Variants in DDX41 observed in about 807,000 individuals in gnomAD.
DDX41 encodes the protein DEAD-box helicase 41.
In DDX41, 50 loss-of-function variants were observed where a neutral mutation model predicts 78.8. The ratio of observed to expected loss-of-function variants is 0.63; its 90% CI spans 0.51 to 0.80. The LOEUF (loss-of-function observed/expected upper bound fraction) is 0.80, where lower values mean the gene tolerates loss of function less well. DDX41 is among the 30% of genes least tolerant of loss of function. DDX41 has a pLI of 0.00. For missense variants in DDX41, 633 were observed against 849.2 expected (o/e 0.75, Z 3.16); for synonymous variants, 381 against 321.5 (o/e 1.19, Z -1.98).
chr5:177,514,934 T>C lies in DDX41; in HGVS notation c.780A>G (p.Gly260=). Residue 260 remains glycine (G), a synonymous_variant, in exon 8 of 17, where the codon GGA becomes GGG. Coordinates refer to ENST00000330503, the MANE Select transcript of DDX41 (RefSeq NM_016222.4). This position sits in a 1 kb window ranked among gnomAD's most constrained non-coding sequence, Gnocchi z 4.2. ...LPFSKREGPY[G]LIICPSRELA... is the part of the protein sequence containing the mutation. ...ATCTTACCGAGGGGCAGATGATGAG[T>C]CCATAGGGCCCCTCGCGCTTTGAGA... 1 of 1,611,188 alleles carries C rather than the reference T, an allele frequency of 6.2e-7. No individual in the cohort carries two copies. The highest frequency in any genetic ancestry group is 8.5e-7 in the Non-Finnish European group (1 of 1,177,900).
chr5:177,515,873 A>G, intron 5 of DDX41, 52 bp from the exon 6 acceptor site: 3 of 1,614,114 alleles, frequency 1.9e-6, no homozygotes, highest in Non-Finnish European at 2.5e-6. Flanking sequence ...CTGGCCTGGG[A>G]GCATCCCTGC....
At position 177,515,234 on chromosome 5, in the gene DDX41, T is replaced by C; in HGVS notation, c.596A>G (p.Lys199Arg). ...PAAILRGLKK[K>R]GIHHPTPIQI... ...AATGGGTGTTGGGTGGTGAATGCCT[T>C]TCTTCTTCAGGCCTCTCAGGATGGC... is the stretch of plus-strand genomic sequence containing the variant. Residue 199 changes from lysine to arginine, a missense_variant, in exon 7 of 17, where the codon AAA becomes AGA. Coordinates refer to ENST00000330503, the MANE Select transcript of DDX41 (RefSeq NM_016222.4). The C allele has an allele frequency of 6.2e-7, 1 of 1,613,936 alleles. No homozygotes were observed. Among genetic ancestry groups the C allele is most frequent in the Non-Finnish European group, 8.5e-7 (1 of 1,179,980 alleles).
intron 6 of DDX41, 60 bp from the exon 7 acceptor site, chr5:177,515,318 G>A (rs767512180): frequency 1.9e-6 from 3 of 1,574,406 alleles, no homozygotes; most frequent in Non-Finnish European, 2.6e-6. Context: ...GAGCCCCAAA[G>A]CCTGTAAAAC....
rs374555260 is a variant in DDX41 at position 177,516,464 on chromosome 5, G to A, written c.139-17C>T. On this transcript the variant is annotated splice_polypyrimidine_tract_variant and intron_variant, in intron 2 of 16. Coordinates refer to ENST00000330503, the MANE Select transcript of DDX41 (RefSeq NM_016222.4). ...CTTCTGGAGCTGAGGTTCCACCCGG[G>A]ATCCACAGATAGGATGGGCATGGAG... 2.3e-4 allele frequency: 372 copies of A among 1,612,362 alleles called. No homozygotes were observed. The highest frequency in any genetic ancestry group is 2.9e-4 in the Non-Finnish European group (348 of 1,179,968).
Position 177,516,384 on chromosome 5 carries a change from T to C in DDX41, c.202A>G (p.Ser68Gly), listed in dbSNP as rs1363890206. The change falls in exon 3 of 17, where the codon AGT becomes GGT. Residue 68 changes from serine (S) to glycine (G), a missense_variant. This residue lies in a region of DDX41 where 140 missense variants were observed against 115.2 expected (regional missense o/e 1.22). Coordinates refer to ENST00000330503, the MANE Select transcript of DDX41 (RefSeq NM_016222.4). ...AAEEEQQDSGSEPRGDEDDIP... is the reference protein window; with the variant it reads ...AAEEEQQDSGGEPRGDEDDIP... ...TCGTCCTCATCTCCCCGGGGTTCACTACCGCTGTCCTGCTGCTCTTCCTCC... is the reference window on the plus strand; with the variant it reads ...TCGTCCTCATCTCCCCGGGGTTCACCACCGCTGTCCTGCTGCTCTTCCTCC... 1.2e-6 allele frequency: 2 copies of C among 1,612,844 alleles called. No individual in the cohort carries two copies. The highest frequency in any genetic ancestry group is 1.7e-6 in the Non-Finnish European group (2 of 1,179,108).
intron 2 of DDX41, 72 bp downstream of exon 2, chr5:177,516,653 G>A: frequency 2.0e-6 from 3 of 1,492,450 alleles, no homozygotes; most frequent in East Asian, 2.5e-5. Flanking sequence ...TCCCCACGGA[G>A]GCCGAGGCCA....
chr5:177,516,209 G>A lies in DDX41; in HGVS notation c.299-16C>T, dbSNP rs200439688. 6.8e-6 allele frequency: 11 copies of A among 1,614,140 alleles called. No homozygotes were observed. The highest frequency in any genetic ancestry group is 2.2e-5 in the East Asian group (1 of 44,880). Reference sequence around the variant, plus strand: ...TCTTTGCGCGCTGAGAAAAGAAGTGGAAGATGTCAGACAGATACCAAAACG... The same window carrying A: ...TCTTTGCGCGCTGAGAAAAGAAGTGAAAGATGTCAGACAGATACCAAAACG... On this transcript the variant is annotated splice_polypyrimidine_tract_variant and intron_variant, in intron 3 of 16. Transcript: ENST00000330503.
At chr5:177,511,987 CG>C in intron 16 of DDX41, 60 bp from the exon 17 acceptor site, 1 of 1,606,722 alleles carries the variant, frequency 6.2e-7, no homozygotes, top group East Asian at 2.2e-5. Context: ...CCCTGGACTT[CG>C]GGCCCCCCGT....
At chr5:177,516,528 G>A in intron 2 of DDX41, 81 bp from the exon 3 acceptor site, 4 of 1,562,386 alleles carry the variant, frequency 2.6e-6, no homozygotes, top group Non-Finnish European at 3.5e-6. Context: ...TTTGGGGCGA[G>A]GATCCTGTGC....
Position 177,512,837 on chromosome 5 carries a change from T to C in DDX41, c.1342A>G (p.Ile448Val), listed in dbSNP as rs1375453537. Residue 448 changes from isoleucine to valine, a missense_variant, in exon 13 of 17, where the codon ATC becomes GTC. By Grantham distance (29) the Ile-to-Val change is conservative. Transcript: ENST00000330503. ...FAEKKADVDA[I>V]HEYLLLKGVE... ...CCCTTGAGCAGCAGGTACTCGTGGA[T>C]GGCGTCCACGTCTGCCTTCTTCTCT... 2.5e-6 allele frequency: 4 copies of C among 1,613,942 alleles called. No homozygotes were observed. The East Asian group carries it at 6.7e-5, about 27-fold the overall frequency.
At position 177,514,257 on chromosome 5, in the gene DDX41, G is replaced by A. The variant is rs764269057; in HGVS notation, c.936-410C>T. 7.8e-5 allele frequency: 38 copies of A among 489,026 alleles called. 1 individual carries two copies. Among genetic ancestry groups the A allele is most frequent in the Non-Finnish European group, 1.2e-4 (31 of 249,500 alleles). 30.3% of individuals were successfully genotyped at this position (489,026 alleles called of 1,614,324 possible). On this transcript the variant is annotated intron_variant, in intron 9 of 16. Transcript: ENST00000330503. This position sits in a 1 kb window ranked among gnomAD's most constrained non-coding sequence, Gnocchi z 4.2. ...CTGTGAACAGAGGGCCTGGTCCAGG[G>A]CCTCTGGTGGTCTGCAGAGGACTGC...
At position 177,513,773 on chromosome 5, in the gene DDX41, A is replaced by G. The variant is rs764270601; in HGVS notation, c.1010T>C (p.Ile337Thr). ...LLQKKMVSLD[I>T]CRYLALDEAD... ...CTCGTCCAGGGCCAGGTAGCGACAG[A>G]TGTCTAGGCTGACCATCTTCTTCTG... Residue 337 changes from isoleucine (I) to threonine (T), a missense_variant, in exon 10 of 17, where the codon ATC becomes ACC. This residue lies in a region of DDX41 where 151 missense variants were observed against 169.2 expected (regional missense o/e 0.89). Transcript: ENST00000330503. The surrounding 1 kb of genome is among the most constrained non-coding windows in gnomAD (Gnocchi z 4.6). 1.2e-6 allele frequency: 2 copies of G among 1,613,854 alleles called. No homozygotes were observed. The highest frequency in any genetic ancestry group is 2.2e-5 in the South Asian group (2 of 91,084).
chr5:177,513,092 C>A lies in DDX41; in HGVS notation c.1231-10G>T. 3.7e-6 allele frequency: 6 copies of A among 1,612,294 alleles called. No individual in the cohort carries two copies. The highest frequency in any genetic ancestry group is 2.2e-5 in the South Asian group (2 of 90,866). On this transcript the variant is annotated splice_polypyrimidine_tract_variant and intron_variant, in intron 11 of 16. Coordinates refer to ENST00000330503, the MANE Select transcript of DDX41 (RefSeq NM_016222.4). The surrounding 1 kb of genome is among the most constrained non-coding windows in gnomAD (Gnocchi z 4.6). ...TCACATATTCTACCTCCTGCCACCA[C>A]AAAGATCAGGTCAGGTGATCTTGAG...
chr5:177,514,934 T>G lies in DDX41; in HGVS notation c.780A>C (p.Gly260=). Residue 260 remains glycine, a synonymous_variant, in exon 8 of 17, where the codon GGA becomes GGC. Coordinates refer to ENST00000330503, the MANE Select transcript of DDX41 (RefSeq NM_016222.4). This position sits in a 1 kb window ranked among gnomAD's most constrained non-coding sequence, Gnocchi z 4.2. ...ATCTTACCGAGGGGCAGATGATGAG[T>G]CCATAGGGCCCCTCGCGCTTTGAGA... ...LPFSKREGPY[G]LIICPSRELA... is the part of the protein sequence containing the mutation. 6.2e-7 allele frequency: 1 copy of G among 1,611,188 alleles called. No homozygotes were observed. The highest frequency in any genetic ancestry group is 8.5e-7 in the Non-Finnish European group (1 of 1,177,900).
In DDX41 at chr5:177,515,272, C is replaced by A; in HGVS notation, c.572-14G>T. On this transcript the variant is annotated splice_polypyrimidine_tract_variant and intron_variant, in intron 6 of 16. Transcript: ENST00000330503. ...CTCTCAGGATGGCTATGAAAACCAA[C>A]CGACATCGTCTTCATGACTCACAGG... 8 of 1,613,942 alleles carry A rather than the reference C, an allele frequency of 5.0e-6. No homozygotes were observed. Among genetic ancestry groups the A allele is most frequent in the Non-Finnish European group, 6.8e-6 (8 of 1,179,976 alleles).
intron 12 of DDX41, 57 bp downstream of exon 12, chr5:177,512,954 C>T: frequency 6.2e-7 from 1 of 1,609,748 alleles, no homozygotes; most frequent in Non-Finnish European, 8.5e-7. Flanking sequence ...TCTGTCCCCT[C>T]CAAAGCCCTC....
Position 177,512,865 on chromosome 5 carries a change from A to G in DDX41, c.1314T>C (p.Phe438=). The change falls in exon 13 of 17, where the codon TTT becomes TTC. Residue 438 remains phenylalanine, a synonymous_variant. Coordinates refer to ENST00000330503, the MANE Select transcript of DDX41 (RefSeq NM_016222.4). ...CGTCCACGTCTGCCTTCTTCTCTGC[A>G]AAGATGAGTACCTGTCCGGAAAGAC... ...LQKTPPPVLI[F]AEKKADVDAI... 6.2e-7 allele frequency: 1 copy of G among 1,613,984 alleles called. No homozygotes were observed. Among genetic ancestry groups the G allele is most frequent in the Non-Finnish European group, 8.5e-7 (1 of 1,180,014 alleles).
In DDX41 at chr5:177,513,809, A is replaced by G; in HGVS notation, c.974T>C (p.Met325Thr). ...HMMVATPGRLMDLLQKKMVSL... is the reference protein window; with the variant it reads ...HMMVATPGRLTDLLQKKMVSL... ...GACCATCTTCTTCTGCAGCAAATCC[A>G]TGAGGCGCCCCGGGGTGGCCACCAT... is the stretch of plus-strand genomic sequence containing the variant. Residue 325 changes from methionine to threonine, a missense_variant, in exon 10 of 17, where the codon ATG (methionine) becomes ACG (threonine). Met to Thr is a moderately conservative substitution (Grantham distance 81). This residue lies in a region of DDX41 where 151 missense variants were observed against 169.2 expected (regional missense o/e 0.89). Coordinates refer to ENST00000330503, the MANE Select transcript of DDX41 (RefSeq NM_016222.4). The surrounding 1 kb of genome is among the most constrained non-coding windows in gnomAD (Gnocchi z 4.6). 1 of 1,613,742 alleles carries G rather than the reference A, an allele frequency of 6.2e-7. No individual in the cohort carries two copies. Among genetic ancestry groups the G allele is most frequent in the Non-Finnish European group, 8.5e-7 (1 of 1,179,990 alleles).
In DDX41 at chr5:177,515,933, T is replaced by C; in HGVS notation, c.430A>G (p.Thr144Ala). ...CTGCAGACTGTACAGACATACCTGG[T>C]TTTGATGGGGTCATCATACGTAATG... ...KGITYDDPIK[T>A]SWTPPRYVLS... Residue 144 changes from threonine (T) to alanine (A), a missense_variant, in exon 5 of 17, where the codon ACC (threonine) becomes GCC (alanine). Physicochemically the swap from Thr to Ala is moderately conservative, Grantham distance 58 (BLOSUM62 0). Around this residue, in one of 6 missense-constraint regions of DDX41, gnomAD observed 126 missense variants for 115.5 expected, o/e 1.09. Coordinates refer to ENST00000330503, the MANE Select transcript of DDX41 (RefSeq NM_016222.4). The C allele has an allele frequency of 1.2e-6, 2 of 1,614,202 alleles. No individual in the cohort carries two copies. The highest frequency in any genetic ancestry group is 1.7e-6 in the Non-Finnish European group (2 of 1,180,028).
Sources: gnomAD v4.1 joint callset for allele counts on GRCh38, gnomAD v4.1.1 for gene constraint, gnomAD v4.1.1 regional missense constraint, Gnocchi (gnomAD v3.1) non-coding constraint, MANE v1.5 for transcripts, NCBI Gene and HGNC (gene_info 2026-07-23, HGNC 2026-07-21) for gene names.